LHPP: variants seen among roughly 807,000 people sequenced by gnomAD.
The protein encoded by LHPP is phospholysine phosphohistidine inorganic pyrophosphate phosphatase.
Under a neutral mutation model 30.3 loss-of-function variants are expected in LHPP, and 24 were observed. The observed-to-expected ratio is 0.79, with a 90% CI of 0.57 to 1.11. The LOEUF (loss-of-function observed/expected upper bound fraction) is 1.11. Ranked by LOEUF, LHPP falls within the 50% of genes most tolerant of loss-of-function variation. LHPP has a pLI of 0.00. For missense variants in LHPP, 356 were observed against 367.2 expected (o/e 0.97, Z 0.25); for synonymous variants, 150 against 157.1 (o/e 0.95, Z 0.34).
At chr10:124,500,370 G>T (rs1159586483) in intron 5 of LHPP, among the ~76,000 whole-genome samples, 1 of 151,946 alleles carries the variant, frequency 6.6e-6, no homozygotes, top group African/African-American at 2.4e-5. Flanking sequence ...TACTCAGGAG[G>T]CTGAGGCAGG....
intron 1 of LHPP, among the ~76,000 whole-genome samples, chr10:124,479,007 T>G (rs1953042968): frequency 6.6e-6 from 1 of 150,558 alleles, no homozygotes; most frequent in African/African-American, 2.4e-5. Context: ...AGGCGGAGGT[T>G]GCAGTGAGCT....
At chr10:124,608,056 C>T (rs12249375) in intron 6 of LHPP, among the ~76,000 whole-genome samples, 79,255 of 151,904 alleles carry the variant, frequency 0.52, 20,892 homozygotes, top group East Asian at 0.57. Flanking sequence ...GGGGGCAGAG[C>T]CTCGGCGTAG....
intron 6 of LHPP, among the ~76,000 whole-genome samples, chr10:124,610,043 G>C (rs1325369456): frequency 6.6e-6 from 1 of 152,244 alleles, no homozygotes; most frequent in East Asian, 1.9e-4. Context: ...GTTGCAAGTG[G>C]ATATCAACAC....
At chr10:124,599,644 A>G (rs2134009802) in intron 6 of LHPP, among the ~76,000 whole-genome samples, 4 of 152,354 alleles carry the variant, frequency 2.6e-5, no homozygotes, top group Middle Eastern at 6.8e-3. Flanking sequence ...CCTGGCTCTC[A>G]AAGCTTTCTG....
At position 124,467,710 on chromosome 10, in the gene LHPP, T is replaced by TGTTG. The variant is rs1554876636; in HGVS notation, c.125+5723_125+5724insGTTG. ...TTTTCTTTTGTGTGTGTGTGTGTTT[T>TGTTG]TTGTTGTTGTTGTTGTTGTTGTTTT... On this transcript the variant is annotated intron_variant, in intron 1 of 6. Coordinates refer to ENST00000368842, the MANE Select transcript of LHPP (RefSeq NM_022126.4). Among the ~76,000 whole-genome samples the TGTTG allele has an allele frequency of 8.5e-4, 126 of 149,048 alleles. 3 individuals are homozygous for TGTTG. The highest frequency in any genetic ancestry group is 2.7e-3 in the African/African-American group (110 of 40,250).
At position 124,496,918 on chromosome 10, in the gene LHPP, T is replaced by A; in HGVS notation, c.468-43T>A. The A allele has an allele frequency of 6.4e-7, 1 of 1,568,360 alleles. No individual in the cohort carries two copies. Among genetic ancestry groups the A allele is most frequent in the Non-Finnish European group, 8.7e-7 (1 of 1,143,708 alleles). ...CGATACTTAGCATCCTGCGGTCAGC[T>A]CCCCGTGCTCAGCATCCCGTGCTCC... On this transcript the variant is annotated intron_variant, in intron 3 of 6. Coordinates refer to ENST00000368842, the MANE Select transcript of LHPP (RefSeq NM_022126.4). This position sits in a 1 kb window ranked among gnomAD's most constrained non-coding sequence, Gnocchi z 4.3.
At chr10:124,598,480 A>T (rs1948979161) in intron 6 of LHPP, among the ~76,000 whole-genome samples, 1 of 152,176 alleles carries the variant, frequency 6.6e-6, no homozygotes, top group East Asian at 1.9e-4. Context: ...TGATAACCCC[A>T]TGGGGAAAGC....
At chr10:124,546,662 A>G (rs947634020) in intron 6 of LHPP, among the ~76,000 whole-genome samples, 21 of 151,856 alleles carry the variant, frequency 1.4e-4, no homozygotes, top group South Asian at 8.3e-4. Context: ...CGCCCGCCTC[A>G]GCCTCCCAAA....
rs115857360 is a variant in LHPP, at chr10:124,570,397, G to A, written c.717-42867G>A. 7.0e-3 allele frequency among the ~76,000 whole-genome samples: 1,065 copies of A among 152,366 alleles called. 14 individuals are homozygous for A. Among genetic ancestry groups the A allele is most frequent in the African/African-American group, 0.023 (972 of 41,584 alleles). On this transcript the variant is annotated intron_variant, in intron 6 of 6. Coordinates refer to ENST00000368842, the MANE Select transcript of LHPP (RefSeq NM_022126.4). ...AGGGGCCTTTGGAATGAAGGGGACAGTCGGTGAGCTGAGGTTGTCCCCAAA... is the reference window on the plus strand; with the variant it reads ...AGGGGCCTTTGGAATGAAGGGGACAATCGGTGAGCTGAGGTTGTCCCCAAA...
At chr10:124,604,980 G>A (rs371568974) in intron 6 of LHPP, among the ~76,000 whole-genome samples, 6 of 152,372 alleles carry the variant, frequency 3.9e-5, no homozygotes, top group East Asian at 3.9e-4. Context: ...CCCTCGGGGA[G>A]AGGCCGCACC....
intron 2 of LHPP, among the ~76,000 whole-genome samples, chr10:124,486,246 C>T (rs189587864): frequency 2.6e-5 from 4 of 152,210 alleles, no homozygotes; most frequent in Non-Finnish European, 4.4e-5. Context: ...ACAGCTACCT[C>T]GCACCTTGCC....
intron 1 of LHPP, among the ~76,000 whole-genome samples, chr10:124,479,457 G>C (rs1182999203): frequency 2.0e-5 from 3 of 152,250 alleles, no homozygotes; most frequent in Non-Finnish European, 2.9e-5. Flanking sequence ...TTCCTTAGCT[G>C]TCCTAGTCGG....
intron 6 of LHPP, among the ~76,000 whole-genome samples, chr10:124,608,346 G>GCCCCA (rs367571428): frequency 1.1e-5 from 1 of 92,100 alleles, no homozygotes; most frequent in Non-Finnish European, 2.8e-5. Flanking sequence ...GGCCAGCCCA[G>GCCCCA]CCCCAGCCCA....
intron 6 of LHPP, among the ~76,000 whole-genome samples, chr10:124,547,818 TG>T: frequency 6.6e-6 from 1 of 152,344 alleles, no homozygotes; most frequent in South Asian, 2.1e-4. Flanking sequence ...AACTGCTGAG[TG>T]GTCAGTGTCG....
At chr10:124,583,155 C>A (rs1398299875) in intron 6 of LHPP, among the ~76,000 whole-genome samples, 1 of 152,000 alleles carries the variant, frequency 6.6e-6, no homozygotes, top group Non-Finnish European at 1.5e-5. Context: ...TGATGAAGTC[C>A]ATTTGATCTT....
rs1955198469 is a variant in LHPP, at chr10:124,541,832, G to A, written c.716+24561G>A. ...AGTGGGCTGGGCGGGCCAGGCCCCG[G>A]CCCAGATGGGGTGACCTTTCCTTCA... On this transcript the variant is annotated intron_variant, in intron 6 of 6. Transcript: ENST00000368842. The surrounding 1 kb of genome is among the most constrained non-coding windows in gnomAD (Gnocchi z 4.2). 6.6e-6 allele frequency among the ~76,000 whole-genome samples: 1 copy of A among 152,012 alleles called. No homozygotes were observed. The highest frequency in any genetic ancestry group is 2.4e-5 in the African/African-American group (1 of 41,392).
At chr10:124,490,421 C>A in intron 3 of LHPP, 1 of 337,658 alleles carries the variant, frequency 3.0e-6, no homozygotes, top group Non-Finnish European at 6.3e-6. Context: ...AACCTCAGGA[C>A]CTGAGAGACT....
chr10:124,565,874 G>A (rs1469387508), intron 6 of LHPP, among the ~76,000 whole-genome samples: 1 of 152,232 alleles, frequency 6.6e-6, no homozygotes, highest in East Asian at 1.9e-4. Context: ...GACAGGAGGG[G>A]GAAGGGGTGT....
chr10:124,470,383 C>T (rs1423891385), intron 1 of LHPP, among the ~76,000 whole-genome samples: 1 of 114,142 alleles, frequency 8.8e-6, no homozygotes, highest in Non-Finnish European at 2.2e-5. Flanking sequence ...CCCAGGACCG[C>T]CCCGATCGAT....
Sources: gnomAD v4.1 joint callset for allele counts (sites outside exome capture counted in the v4.1 genomes callset) on GRCh38, gnomAD v4.1.1 for gene constraint, Gnocchi (gnomAD v3.1) non-coding constraint, MANE v1.5 for transcripts, NCBI Gene and HGNC (gene_info 2026-07-23, HGNC 2026-07-21) for gene names.